Variants in RFPL1 observed in about 807,000 individuals in gnomAD.
RFPL1 encodes the protein ret finger protein-like 1.
In RFPL1, 6 loss-of-function variants were observed where a neutral mutation model predicts 9.6. The ratio of observed to expected loss-of-function variants is 0.62; its 90% confidence interval spans 0.34 to 1.23. The LOEUF is 1.23. RFPL1 is among the 50% of genes most tolerant of loss of function. The pLI is 0.03. For synonymous variants in RFPL1, 145 were observed against 149.4 expected (o/e 0.97, Z 0.22); for missense variants, 352 against 398.4 (o/e 0.88, Z 0.99).
At chr22:29,391,150 T>A in the RFPL1 span, among the ~76,000 whole-genome samples, 1 of 151,814 alleles carries the variant, frequency 6.6e-6, no homozygotes, top group South Asian at 2.1e-4. Flanking sequence ...TCAAAAAAAA[T>A]AAAAATAAAA....
chr22:29,419,041 T>A, the RFPL1 span: 1 of 690,022 alleles, frequency 1.4e-6, no homozygotes, highest in Non-Finnish European at 2.6e-6. Context: ...GGGAGCTGTA[T>A]GAGGGGAGAC....
chr22:29,441,504 C>G, intron 1 of RFPL1, 38 bp from the exon 2 acceptor site: 1 of 1,585,526 alleles, frequency 6.3e-7, no homozygotes, highest in Non-Finnish European at 8.6e-7. Flanking sequence ...GGGTTGGCTT[C>G]TGTCCATTTT....
At chr22:29,403,200 A>G in the RFPL1 span, among the ~76,000 whole-genome samples, 1 of 152,024 alleles carries the variant, frequency 6.6e-6, no homozygotes, top group Non-Finnish European at 1.5e-5. Context: ...TAAATTGAAA[A>G]GTGAGGCGGA....
chr22:29,400,738 A>T, the RFPL1 span, among the ~76,000 whole-genome samples: 7 of 152,026 alleles, frequency 4.6e-5, no homozygotes, highest in African/African-American at 1.7e-4. Flanking sequence ...TCTCACCTCT[A>T]GTTCACTCTT....
chr22:29,421,829 C>T, the RFPL1 span, among the ~76,000 whole-genome samples: 1 of 151,996 alleles, frequency 6.6e-6, no homozygotes, highest in Non-Finnish European at 1.5e-5. Context: ...GTGGTTACTA[C>T]TCTACAGACT....
chr22:29,396,363 C>T, the RFPL1 span, among the ~76,000 whole-genome samples: 6 of 152,194 alleles, frequency 3.9e-5, no homozygotes, highest in Admixed American at 2.0e-4. Context: ...CTCTCTCTTT[C>T]TGCCATGGGA....
chr22:29,430,511 T>C, the RFPL1 span, among the ~76,000 whole-genome samples: 2 of 152,172 alleles, frequency 1.3e-5, no homozygotes, highest in Non-Finnish European at 2.9e-5. Flanking sequence ...TTAGTATTAA[T>C]ACTGTAACTA....
At chr22:29,413,759 A>G in the RFPL1 span, among the ~76,000 whole-genome samples, 1 of 152,218 alleles carries the variant, frequency 6.6e-6, no homozygotes, top group African/African-American at 2.4e-5. Context: ...TAGCGCTTTA[A>G]GAAAAACCCG....
At chr22:29,423,899 A>G in the RFPL1 span, among the ~76,000 whole-genome samples, 2 of 152,174 alleles carry the variant, frequency 1.3e-5, no homozygotes, top group South Asian at 4.1e-4. Flanking sequence ...CTCACGGTGT[A>G]AAGTACTATT....
the RFPL1 span, among the ~76,000 whole-genome samples, chr22:29,403,101 T>G: frequency 6.6e-6 from 1 of 151,950 alleles, no homozygotes; most frequent in Non-Finnish European, 1.5e-5. Flanking sequence ...GCCTCTTGGT[T>G]CTTGTTATGT....
At chr22:29,430,545 T>C in the RFPL1 span, among the ~76,000 whole-genome samples, 1 of 152,088 alleles carries the variant, frequency 6.6e-6, no homozygotes, top group Admixed American at 6.6e-5. Flanking sequence ...AAAAACAGGA[T>C]CTTGTAAGGC....
At chr22:29,418,790 G>A in the RFPL1 span, among the ~76,000 whole-genome samples, 10 of 152,112 alleles carry the variant, frequency 6.6e-5, no homozygotes, top group Non-Finnish European at 1.0e-4. Flanking sequence ...GAGCCACTGC[G>A]CCTGGCCCAG....
At chr22:29,399,816 G>A in the RFPL1 span, among the ~76,000 whole-genome samples, 30 of 151,700 alleles carry the variant, frequency 2.0e-4, no homozygotes, top group East Asian at 3.9e-4. Flanking sequence ...CACTCTTCTC[G>A]CAGTTGTTGC....
At chr22:29,438,503 G>A (rs2062820117), upstream of RFPL1, 1 of 995,924 alleles carries the variant, frequency 1.0e-6, no homozygotes, top group African/African-American at 1.6e-5. Context: ...TAATTCTTAT[G>A]TTCATCAATC....
chr22:29,412,938 G>C, the RFPL1 span, among the ~76,000 whole-genome samples: 20 of 152,020 alleles, frequency 1.3e-4, no homozygotes, highest in African/African-American at 4.8e-4. Context: ...TCTTCCACTG[G>C]GTGCAAGAGC....
chr22:29,422,610 G>A, the RFPL1 span, among the ~76,000 whole-genome samples: 2 of 152,088 alleles, frequency 1.3e-5, no homozygotes, highest in Non-Finnish European at 2.9e-5. Flanking sequence ...GGGCATAGTG[G>A]CGGGCACATG....
At chr22:29,421,527 T>C in the RFPL1 span, among the ~76,000 whole-genome samples, 2,779 of 136,360 alleles carry the variant, frequency 0.02, 133 homozygotes, top group Middle Eastern at 0.047. Flanking sequence ...CTGATCCCTG[T>C]GTACCTCTCC....
the RFPL1 span, among the ~76,000 whole-genome samples, chr22:29,403,933 G>A: frequency 1.3e-5 from 2 of 152,180 alleles, no homozygotes; most frequent in African/African-American, 4.8e-5. Context: ...TATCCCGAGG[G>A]TATACTCCAT....
At chr22:29,399,250 G>T in the RFPL1 span, among the ~76,000 whole-genome samples, 1 of 114,764 alleles carries the variant, frequency 8.7e-6, no homozygotes, top group Non-Finnish European at 1.8e-5. Flanking sequence ...ATGTGCTCCA[G>T]AATTCCCCTC....
Sources: gnomAD v4.1 joint callset for allele counts (sites outside exome capture counted in the v4.1 genomes callset) on GRCh38, gnomAD v4.1.1 for gene constraint, MANE v1.5 for transcripts, NCBI Gene and HGNC (gene_info 2026-07-23, HGNC 2026-07-21) for gene names.